ZNF337: variants seen among roughly 807,000 people sequenced by gnomAD.
The protein encoded by ZNF337 is zinc finger protein 337.
A neutral mutation model predicts 12.1 loss-of-function variants in ZNF337; 8 were observed. The ratio of observed to expected loss-of-function variants is 0.66; its 90% CI spans 0.39 to 1.19. ZNF337 has a LOEUF of 1.19. Ranked by LOEUF, ZNF337 falls within the 50% of genes most tolerant of loss-of-function variation. The pLI is 0.01. For missense variants in ZNF337, 882 were observed against 896.6 expected, an observed-to-expected ratio of 0.98 and a Z score of 0.21; for synonymous variants, 336 against 320.0, an observed-to-expected ratio of 1.05 and a Z score of -0.53.
chr20:25,695,131 C>G (rs1227760472), intron 1 of ZNF337, among the ~76,000 whole-genome samples: 2 of 152,084 alleles, frequency 1.3e-5, no homozygotes, highest in Non-Finnish European at 2.9e-5. Flanking sequence ...ATTAGCCAGG[C>G]GTGGTGGCGG....
intron 4 of ZNF337, among the ~76,000 whole-genome samples, chr20:25,682,227 T>A (rs2065776890): frequency 6.6e-6 from 1 of 152,174 alleles, no homozygotes; most frequent in African/African-American, 2.4e-5. Context: ...ATACAGTAAC[T>A]ATTATTAGGT....
intron 4 of ZNF337, 76 bp downstream of exon 4, chr20:25,685,491 C>A (rs2065819983): frequency 1.6e-6 from 2 of 1,281,050 alleles, no homozygotes; most frequent in African/African-American, 1.5e-5. Flanking sequence ...TTCCAGGTCC[C>A]CTGGCCTCAG....
rs764467169 is a variant in ZNF337, at chr20:25,674,992, TCTC to T, written c.*37_*39del. On this transcript the variant is annotated 3_prime_UTR_variant, in exon 5 of 5. Transcript: ENST00000252979. ...AAAGCTTGTAACAAAGCAAAGTTAC[TCTC>T]CTGAGTGTGTCCTCTGATGGATGGT... The T allele has an allele frequency of 1.9e-6, 3 of 1,563,992 alleles. No homozygotes were observed. The highest frequency in any genetic ancestry group is 2.7e-5 in the African/African-American group (2 of 73,478).
chr20:25,695,976 A>C (rs1376973915), intron 1 of ZNF337, among the ~76,000 whole-genome samples: 2 of 151,982 alleles, frequency 1.3e-5, no homozygotes, highest in Non-Finnish European at 2.9e-5. Context: ...AAACCTTTTT[A>C]AATATATTTT....
chr20:25,675,280 T>G lies in ZNF337; in HGVS notation c.2008A>C (p.Ser670Arg). The change falls in exon 5 of 5, where the codon AGT (serine) becomes CGT (arginine). Residue 670 changes from serine to arginine, a missense_variant. Coordinates refer to ENST00000252979, the MANE Select transcript of ZNF337 (RefSeq NM_015655.4). ...ATCCGCCAGTGGTGTCTGGTGAGAC[T>G]TCTCTTCCAGCTGAAGCCTTGCCCA... ...VCGQGFSWKR[S>R]LTRHHWRIHS... The G allele has an allele frequency of 6.2e-7, 1 of 1,613,996 alleles. No homozygotes were observed. Among genetic ancestry groups the G allele is most frequent in the Non-Finnish European group, 8.5e-7 (1 of 1,180,006 alleles).
At chr20:25,692,116 C>A (rs1003208622) in intron 1 of ZNF337, among the ~76,000 whole-genome samples, 1 of 152,164 alleles carries the variant, frequency 6.6e-6, no homozygotes, top group African/African-American at 2.4e-5. Context: ...ACTTCCTTTA[C>A]CTAGATCACA....
intron 4 of ZNF337, among the ~76,000 whole-genome samples, chr20:25,682,436 T>C (rs1354864545): frequency 1.3e-5 from 2 of 152,164 alleles, no homozygotes; most frequent in Non-Finnish European, 2.9e-5. Context: ...CCACTATGAA[T>C]ATAGAAGATG....
At chr20:25,682,904 A>G (rs1483632622) in intron 4 of ZNF337, among the ~76,000 whole-genome samples, 1 of 152,144 alleles carries the variant, frequency 6.6e-6, no homozygotes, top group African/African-American at 2.4e-5. Flanking sequence ...AGGGTTTCTT[A>G]AACAAGACAT....
rs376000241 is a variant in ZNF337, at chr20:25,675,556, C to T, written c.1732G>A (p.Gly578Arg). Residue 578 changes from glycine (G) to arginine (R), a missense_variant, in exon 5 of 5, where the codon GGG (glycine) becomes AGG (arginine). Physicochemically the swap from Gly to Arg is moderately radical, Grantham distance 125. Transcript: ENST00000252979. ...GTTGATTTTAGGATGAAGCCTCGCC[C>T]GCAATCCTTGCAATTAAATGGCCTT... Reference protein sequence around the residue: ...GERPFNCKDCGRGFILKSTLL... With the variant: ...GERPFNCKDCRRGFILKSTLL... 4.2e-5 allele frequency: 68 copies of T among 1,613,728 alleles called. No homozygotes were observed. The Middle Eastern group carries it at 6.6e-4, about 16-fold the overall frequency.
intron 1 of ZNF337, among the ~76,000 whole-genome samples, chr20:25,691,922 A>G (rs1171473547): frequency 6.6e-6 from 1 of 152,192 alleles, no homozygotes; most frequent in Non-Finnish European, 1.5e-5. Context: ...AGTTGGGACC[A>G]GAACTAGGGC....
intron 1 of ZNF337, among the ~76,000 whole-genome samples, chr20:25,693,700 T>C (rs910004578): frequency 1.3e-5 from 2 of 152,060 alleles, no homozygotes; most frequent in African/African-American, 4.8e-5. Context: ...GATGGGACAG[T>C]GTAGGGCACA....
chr20:25,684,388 T>A (rs1051952501), intron 4 of ZNF337, among the ~76,000 whole-genome samples: 10 of 151,618 alleles, frequency 6.6e-5, no homozygotes, highest in Middle Eastern at 3.4e-3. Flanking sequence ...TTAAAAAAAA[T>A]TAAAAAAAGA....
intron 4 of ZNF337, chr20:25,681,049 G>T (rs558187907): frequency 6.6e-6 from 1 of 152,304 alleles, no homozygotes; most frequent in East Asian, 1.9e-4. Flanking sequence ...CAATGTGATG[G>T]TATTTGGAGG....
intron 1 of ZNF337, among the ~76,000 whole-genome samples, chr20:25,694,478 G>C (rs1391272220): frequency 2.0e-5 from 3 of 152,042 alleles, no homozygotes; most frequent in African/African-American, 7.2e-5. Flanking sequence ...CTACTTGGGG[G>C]TTCTGCTGAC....
chr20:25,693,723 T>C (rs1199231638), intron 1 of ZNF337, among the ~76,000 whole-genome samples: 4 of 151,994 alleles, frequency 2.6e-5, no homozygotes, highest in Non-Finnish European at 5.9e-5. Context: ...ATGTCAGACA[T>C]TAGCAAAGGA....
chr20:25,696,520 C>A (rs953610950), intron 1 of ZNF337, among the ~76,000 whole-genome samples: 11 of 152,346 alleles, frequency 7.2e-5, no homozygotes, highest in Admixed American at 2.0e-4. Flanking sequence ...CCACTACACG[C>A]AACCGGGAAC....
At chr20:25,692,213 G>A (rs1203786389) in intron 1 of ZNF337, among the ~76,000 whole-genome samples, 1 of 152,180 alleles carries the variant, frequency 6.6e-6, no homozygotes, top group African/African-American at 2.4e-5. Context: ...ATGAACCTGA[G>A]TGTGAAATCT....
Position 25,675,831 on chromosome 20 carries a change from T to G in ZNF337, c.1457A>C (p.Lys486Thr), listed in dbSNP as rs1277849859. 1.9e-6 allele frequency: 3 copies of G among 1,614,186 alleles called. No individual in the cohort carries two copies. Among genetic ancestry groups the G allele is most frequent in the Non-Finnish European group, 2.5e-6 (3 of 1,180,036 alleles). The change falls in exon 5 of 5, where the codon AAG becomes ACG. Residue 486 changes from lysine to threonine, a missense_variant. Transcript: ENST00000252979. ...CCCACACTCCCGACATCCATAAGGC[T>G]TCTCCTCTGAGTGTGTCCTCTGGTG... ...TLHQRTHSEE[K>T]PYGCRECGRR...
chr20:25,683,959 T>C (rs1195264544), intron 4 of ZNF337, among the ~76,000 whole-genome samples: 2 of 151,774 alleles, frequency 1.3e-5, no homozygotes, highest in African/African-American at 4.8e-5. Flanking sequence ...AACCCAAATG[T>C]CCAACAATGA....
Sources: gnomAD v4.1 joint callset for allele counts (sites outside exome capture counted in the v4.1 genomes callset) on GRCh38, gnomAD v4.1.1 for gene constraint, MANE v1.5 for transcripts, NCBI Gene and HGNC (gene_info 2026-07-23, HGNC 2026-07-21) for gene names.